The following XRCC2 variants were observed in gnomAD, a reference collection of about 807,000 sequenced individuals.
XRCC2 encodes the protein X-ray repair cross complementing 2.
Under a neutral mutation model 27.3 loss-of-function variants are expected in XRCC2, and 24 were observed. That is an observed-to-expected ratio of 0.88 (90% CI 0.64 to 1.24). The LOEUF is 1.24. Ranked by LOEUF, XRCC2 falls within the 50% of genes most tolerant of loss-of-function variation. XRCC2 has a pLI of 0.00. For missense variants in XRCC2, 321 were observed against 325.8 expected (o/e 0.99, Z 0.11); for synonymous variants, 106 against 115.4 (o/e 0.92, Z 0.52).
At chr7:152,665,486 C>G (rs1040107655) in intron 1 of XRCC2, among the ~76,000 whole-genome samples, 1 of 35,738 alleles carries the variant, frequency 2.8e-5, no homozygotes. Context: ...GTAAGACAAA[C>G]CTTTTTTTTT....
At chr7:152,671,408 C>T (rs2098038123) in intron 1 of XRCC2, among the ~76,000 whole-genome samples, 1 of 151,836 alleles carries the variant, frequency 6.6e-6, no homozygotes, top group African/African-American at 2.4e-5. Context: ...ATATTCCTAA[C>T]AAAGAAACAG....
intron 1 of XRCC2, among the ~76,000 whole-genome samples, chr7:152,673,514 T>C (rs975919926): frequency 2.0e-5 from 3 of 152,012 alleles, no homozygotes; most frequent in African/African-American, 7.2e-5. Context: ...CCATATGAAA[T>C]GTCTTTTCCT....
intron 1 of XRCC2, among the ~76,000 whole-genome samples, chr7:152,661,509 C>G (rs749095064): frequency 6.6e-6 from 1 of 152,222 alleles, no homozygotes; most frequent in Non-Finnish European, 1.5e-5. Flanking sequence ...ACCACCTGGG[C>G]TCTCTCCTAA....
intron 2 of XRCC2, among the ~76,000 whole-genome samples, chr7:152,658,257 T>C (rs2098031580): frequency 6.6e-6 from 1 of 152,082 alleles, no homozygotes; most frequent in Non-Finnish European, 1.5e-5. Context: ...TTCATGCCAT[T>C]CTCCTGCCTC....
rs2098027551 is a variant in XRCC2, at chr7:152,649,374, T to C, written c.122-11A>G. 6.5e-7 allele frequency: 1 copy of C among 1,543,578 alleles called. No individual in the cohort carries two copies. Among genetic ancestry groups the C allele is most frequent in the African/African-American group, 1.4e-5 (1 of 72,342 alleles). On this transcript the variant is annotated splice_polypyrimidine_tract_variant and intron_variant, in intron 2 of 2. Coordinates refer to ENST00000359321, the MANE Select transcript of XRCC2 (RefSeq NM_005431.2). Reference sequence around the variant, plus strand: ...ATTCAAGAATATCACCTGTGTAAAATTTAAAAATCTCAGTCAAAATGCAGT... The same window carrying C: ...ATTCAAGAATATCACCTGTGTAAAACTTAAAAATCTCAGTCAAAATGCAGT...
intron 2 of XRCC2, among the ~76,000 whole-genome samples, chr7:152,657,575 C>G (rs2098031226): frequency 6.6e-6 from 1 of 152,152 alleles, no homozygotes; most frequent in Non-Finnish European, 1.5e-5. Flanking sequence ...CAGGTGTGAG[C>G]CACCGCACCT....
rs111963155 is a variant in XRCC2, at chr7:152,668,496, C to A, written c.39+7545G>T. Among the ~76,000 whole-genome samples, 1,114 of 152,222 alleles carry A rather than the reference C, an allele frequency of 7.3e-3. 14 individuals are homozygous for A. Among genetic ancestry groups the A allele is most frequent in the African/African-American group, 0.025 (1,059 of 41,532 alleles). On this transcript the variant is annotated intron_variant, in intron 1 of 2. Coordinates refer to ENST00000359321, the MANE Select transcript of XRCC2 (RefSeq NM_005431.2). ...GTCAATAGAAGCAAGGTATGGTCAA[C>A]CTGCAGTTTCAGAAGCGAAAGAAGA...
At chr7:152,665,836 C>T (rs909037133) in intron 1 of XRCC2, among the ~76,000 whole-genome samples, 1 of 152,114 alleles carries the variant, frequency 6.6e-6, no homozygotes, top group African/African-American at 2.4e-5. Flanking sequence ...AAAACTACTA[C>T]TTGTCAAGCT....
At chr7:152,650,369 G>T (rs2098028033) in intron 2 of XRCC2, among the ~76,000 whole-genome samples, 1 of 152,178 alleles carries the variant, frequency 6.6e-6, no homozygotes, top group Non-Finnish European at 1.5e-5. Context: ...CAACTACTCT[G>T]AACGTTAAAG....
chr7:152,673,849 C>A (rs1368712875), intron 1 of XRCC2, among the ~76,000 whole-genome samples: 1 of 152,130 alleles, frequency 6.6e-6, no homozygotes, highest in Non-Finnish European at 1.5e-5. Context: ...GCACTCCAGC[C>A]TGGGCGACAG....
At chr7:152,672,721 T>G in intron 1 of XRCC2, among the ~76,000 whole-genome samples, 1 of 152,218 alleles carries the variant, frequency 6.6e-6, no homozygotes, top group Middle Eastern at 3.2e-3. Flanking sequence ...AGACATTTCC[T>G]ACTTTTCACT....
At chr7:152,654,197 C>CAAAAAAAAAAAAAAAAAA (rs11411109) in intron 2 of XRCC2, among the ~76,000 whole-genome samples, 1 of 92,216 alleles carries the variant, frequency 1.1e-5, no homozygotes. Context: ...AACTCCATCT[C>CAAAAAAAAAAAAAAAAAA]AAAAAAAAAA....
intron 2 of XRCC2, 141 bp from the exon 3 acceptor site, chr7:152,649,504 G>A: frequency 9.4e-7 from 1 of 1,066,254 alleles, no homozygotes; most frequent in African/African-American, 1.6e-5. Context: ...AAATGGAGCT[G>A]TACAAGCAAA....
At position 152,649,258 on chromosome 7, in the gene XRCC2, A is replaced by G; in HGVS notation, c.227T>C (p.Val76Ala). 1 of 1,613,820 alleles carries G rather than the reference A, an allele frequency of 6.2e-7. No individual in the cohort carries two copies. ...ILPKSEGGLE[V>A]EVLFIDTDYH... ...ATCTGTATCAATAAATAAGACTTCT[A>G]CTTCCAGGCCACCTTCTGATTTGGG... Residue 76 changes from valine (V) to alanine (A), a missense_variant, in exon 3 of 3, where the codon GTA becomes GCA. Coordinates refer to ENST00000359321, the MANE Select transcript of XRCC2 (RefSeq NM_005431.2).
chr7:152,664,860 G>C (rs139487499), intron 1 of XRCC2, among the ~76,000 whole-genome samples: 1 of 152,038 alleles, frequency 6.6e-6, no homozygotes, highest in Non-Finnish European at 1.5e-5. Flanking sequence ...TTGGGCTTAC[G>C]GGCAACAACT....
At chr7:152,665,310 G>A (rs960806441) in intron 1 of XRCC2, among the ~76,000 whole-genome samples, 2 of 152,016 alleles carry the variant, frequency 1.3e-5, no homozygotes, top group African/African-American at 4.8e-5. Context: ...TGGTAACAAT[G>A]TGAGCCAATT....
In XRCC2 at chr7:152,649,132, A is replaced by C. The variant is rs185815454; in HGVS notation, c.353T>G (p.Val118Gly). 5.6e-6 allele frequency: 9 copies of C among 1,613,776 alleles called. No individual in the cohort carries two copies. The highest frequency in any genetic ancestry group is 3.3e-4 in the Middle Eastern group (2 of 6,062). Residue 118 changes from valine to glycine, a missense_variant, in exon 3 of 3, where the codon GTG becomes GGG. Transcript: ENST00000359321. ...IKYCLGRFFL[V>G]YCSSSTHLLL... ...TAAGTGGGTGCTACTACTGCAGTAC[A>C]CCAAAAAAAATCTTCCCAGGCAGTA...
chr7:152,652,580 C>CA (rs2098029006), intron 2 of XRCC2, among the ~76,000 whole-genome samples: 1 of 151,982 alleles, frequency 6.6e-6, no homozygotes, highest in African/African-American at 2.4e-5. Context: ...CAAACTCTAT[C>CA]ATCTCCCATC....
At chr7:152,668,414 C>A (rs932168750) in intron 1 of XRCC2, among the ~76,000 whole-genome samples, 1 of 152,158 alleles carries the variant, frequency 6.6e-6, no homozygotes, top group African/African-American at 2.4e-5. Flanking sequence ...CTCCAAAAAT[C>A]TGACATAGGC....
Sources: gnomAD v4.1 joint callset for allele counts (sites outside exome capture counted in the v4.1 genomes callset) on GRCh38, gnomAD v4.1.1 for gene constraint, MANE v1.5 for transcripts, NCBI Gene and HGNC (gene_info 2026-07-23, HGNC 2026-07-21) for gene names.